The following TIAM1 variants were observed in gnomAD, a reference collection of about 807,000 sequenced individuals.
TIAM1 encodes the protein TIAM Rac1 associated GEF 1.
A neutral mutation model predicts 163.5 loss-of-function variants in TIAM1; 65 were observed. The observed-to-expected ratio is 0.40, with a 90% CI of 0.33 to 0.49. The LOEUF is 0.49. Among genes scored for constraint, TIAM1 ranks in the 20% least tolerant of loss-of-function variants. TIAM1 has a pLI of 0.77. For synonymous variants in TIAM1, 833 were observed against 810.1 expected (o/e 1.03, Z -0.48); for missense variants, 1,789 against 2,044.7 (o/e 0.87, Z 2.41).
intron 25 of TIAM1, 73 bp downstream of exon 25, chr21:31,130,140 T>C: frequency 7.9e-7 from 1 of 1,271,664 alleles, no homozygotes; most frequent in South Asian, 1.3e-5. Context: ...ACCAAGAGTG[T>C]GGATTCAAAC....
chr21:31,307,234 C>T (rs921713393), intron 2 of TIAM1, among the ~76,000 whole-genome samples: 8 of 152,090 alleles, frequency 5.3e-5, no homozygotes, highest in African/African-American at 1.9e-4. Flanking sequence ...AAACAAAAGG[C>T]CCTTTAGCCA....
At chr21:31,463,167 G>A (rs575327815) in intron 2 of TIAM1, among the ~76,000 whole-genome samples, 8 of 152,226 alleles carry the variant, frequency 5.3e-5, no homozygotes, top group South Asian at 2.1e-4. Context: ...TCAACAACTC[G>A]ATGAGAGCTC....
At chr21:31,192,478 A>G (rs1221432754) in intron 13 of TIAM1, among the ~76,000 whole-genome samples, 2 of 152,102 alleles carry the variant, frequency 1.3e-5, no homozygotes, top group Non-Finnish European at 2.9e-5. Context: ...TTAGCCAGGC[A>G]TGGTGGCACA....
intron 10 of TIAM1, chr21:31,212,961 C>G (rs763046309): frequency 1.2e-4 from 18 of 154,188 alleles, no homozygotes; most frequent in Non-Finnish European, 2.4e-4. Flanking sequence ...TGTTGTTTTT[C>G]TTTTTTTAAA....
At chr21:31,200,351 G>T (rs2086131701) in intron 12 of TIAM1, among the ~76,000 whole-genome samples, 1 of 151,798 alleles carries the variant, frequency 6.6e-6, no homozygotes, top group Non-Finnish European at 1.5e-5. Flanking sequence ...AAAAAAAAAA[G>T]TGATATCTTT....
intron 13 of TIAM1, among the ~76,000 whole-genome samples, chr21:31,188,788 G>C (rs1488976991): frequency 1.3e-5 from 2 of 152,002 alleles, no homozygotes; most frequent in Non-Finnish European, 2.9e-5. Flanking sequence ...TGCCCAGGCT[G>C]GTCTCAAACT....
chr21:31,207,073 A>T (rs926907622), intron 11 of TIAM1, among the ~76,000 whole-genome samples: 5 of 152,274 alleles, frequency 3.3e-5, no homozygotes, highest in Admixed American at 3.3e-4. Flanking sequence ...TAAAAGCATG[A>T]AATAAAACTG....
At chr21:31,499,982 C>T (rs951765318) in intron 1 of TIAM1, among the ~76,000 whole-genome samples, 1 of 151,818 alleles carries the variant, frequency 6.6e-6, no homozygotes, top group Non-Finnish European at 1.5e-5. Context: ...GCCTGGCCAA[C>T]ATGGTGAAAC....
chr21:31,333,328 A>G (rs1241605307), intron 2 of TIAM1, among the ~76,000 whole-genome samples: 1 of 152,180 alleles, frequency 6.6e-6, no homozygotes, highest in Non-Finnish European at 1.5e-5. Flanking sequence ...TACTTTGAAG[A>G]TTAAATGTCC....
At chr21:31,492,100 G>A (rs7509711) in intron 1 of TIAM1, among the ~76,000 whole-genome samples, 43,985 of 151,924 alleles carry the variant, frequency 0.29, 7,551 homozygotes, top group African/African-American at 0.48. Context: ...ATATGCATAC[G>A]TATGTGTATA....
At chr21:31,378,115 A>G in intron 2 of TIAM1, among the ~76,000 whole-genome samples, 1 of 149,640 alleles carries the variant, frequency 6.7e-6, no homozygotes, top group Non-Finnish European at 1.5e-5. Flanking sequence ...CAGCCTGGGT[A>G]ACAAGAGCGA....
intron 2 of TIAM1, among the ~76,000 whole-genome samples, chr21:31,438,520 G>C (rs56171732): frequency 0.36 from 54,359 of 151,874 alleles, 9,973 homozygotes; most frequent in African/African-American, 0.42. Context: ...TGAGCTGACA[G>C]TCTGTGCTGT....
intron 2 of TIAM1, among the ~76,000 whole-genome samples, chr21:31,443,144 G>A (rs2044497218): frequency 6.6e-6 from 1 of 152,160 alleles, no homozygotes; most frequent in Admixed American, 6.5e-5. Context: ...AAAAACAAAG[G>A]GAAAAGAGGA....
intron 2 of TIAM1, among the ~76,000 whole-genome samples, chr21:31,325,868 T>C (rs1018541202): frequency 5.3e-5 from 8 of 152,200 alleles, no homozygotes; most frequent in African/African-American, 1.9e-4. Flanking sequence ...TCCCCTTTAC[T>C]GTTTACTTTC....
chr21:31,444,176 G>A (rs373575050), intron 2 of TIAM1, among the ~76,000 whole-genome samples: 25 of 152,064 alleles, frequency 1.6e-4, no homozygotes, highest in African/African-American at 5.1e-4. Context: ...GCTGTCCCAC[G>A]GAAATTACAG....
chr21:31,358,475 C>A (rs2076351845), intron 2 of TIAM1, among the ~76,000 whole-genome samples: 1 of 152,200 alleles, frequency 6.6e-6, no homozygotes, highest in Non-Finnish European at 1.5e-5. Context: ...CTAGACTCCA[C>A]AATCGAATAC....
chr21:31,392,658 A>G (rs1381750050), intron 2 of TIAM1, among the ~76,000 whole-genome samples: 2 of 151,568 alleles, frequency 1.3e-5, no homozygotes, highest in African/African-American at 4.9e-5. Context: ...CCCATACTGA[A>G]ATGTGACCTC....
chr21:31,387,164 T>C (rs955222828), intron 2 of TIAM1, among the ~76,000 whole-genome samples: 2 of 147,472 alleles, frequency 1.4e-5, no homozygotes, highest in Non-Finnish European at 3.0e-5. Flanking sequence ...TGAAGCTCAA[T>C]ACAGGGCTTT....
At chr21:31,345,128 G>C (rs1373731123), upstream of TIAM1, among the ~76,000 whole-genome samples, 1 of 152,148 alleles carries the variant, frequency 6.6e-6, no homozygotes, top group Non-Finnish European at 1.5e-5. Flanking sequence ...AATCACAAAA[G>C]AAGAAAACGG....
Sources: allele counts gnomAD v4.1 joint callset (sites outside exome capture counted in the v4.1 genomes callset), GRCh38; gene constraint gnomAD v4.1.1; transcripts MANE v1.5; gene names NCBI Gene and HGNC (gene_info 2026-07-23, HGNC 2026-07-21).